BCAS3: variants seen among roughly 807,000 people sequenced by gnomAD.
BCAS3 encodes BCAS4/BCAS3 fusion.
A neutral mutation model predicts 116.1 loss-of-function variants in BCAS3; 53 were observed. That is an observed-to-expected ratio of 0.46 (90% CI 0.37 to 0.57). The LOEUF (loss-of-function observed/expected upper bound fraction) is 0.57. Ranked by LOEUF, BCAS3 falls within the 20% of genes least tolerant of loss-of-function variation. The pLI is 0.00. For synonymous variants in BCAS3, 391 were observed against 408.2 expected (o/e 0.96, Z 0.51); for missense variants, 917 against 1,165.4 (o/e 0.79, Z 3.10).
At position 61,381,757 on chromosome 17, in the gene BCAS3, G is replaced by A. The variant is rs1436845729; in HGVS notation, c.2594-10220G>A. ...CCCCAGGGCCAGCATTCTTCAGCAC[G>A]CAGATGCCATGTGTGCCTGTATGTG... On this transcript the variant is annotated intron_variant, in intron 23 of 23. Coordinates refer to ENST00000407086, the MANE Select transcript of BCAS3 (RefSeq NM_017679.5). The surrounding 1 kb of genome is among the most constrained non-coding windows in gnomAD (Gnocchi z 6.0). 3.9e-5 allele frequency among the ~76,000 whole-genome samples: 6 copies of A among 152,196 alleles called. No homozygotes were observed. Among genetic ancestry groups the A allele is most frequent in the African/African-American group, 7.2e-5 (3 of 41,454 alleles).
Position 61,040,777 on chromosome 17 carries a change from C to T in BCAS3, c.1929-15C>T, listed in dbSNP as rs1458192269. The T allele has an allele frequency of 6.3e-7, 1 of 1,596,378 alleles. No individual in the cohort carries two copies. The highest frequency in any genetic ancestry group is 8.6e-7 in the Non-Finnish European group (1 of 1,164,012). ...ATTAAGCTTAAATATTAATATTCTT[C>T]TCCTGTTTCCTTAGAACCCCTCAAT... On this transcript the variant is annotated splice_polypyrimidine_tract_variant and intron_variant, in intron 18 of 23. Coordinates refer to ENST00000407086, the MANE Select transcript of BCAS3 (RefSeq NM_017679.5).
chr17:60,849,757 C>T (rs553552173), intron 7 of BCAS3, among the ~76,000 whole-genome samples: 8 of 152,140 alleles, frequency 5.3e-5, no homozygotes, highest in Non-Finnish European at 1.2e-4. Flanking sequence ...TCTTCCTTTT[C>T]CTCCTCCTGT....
chr17:61,141,064 C>A lies in BCAS3; in HGVS notation c.2425+56500C>A, dbSNP rs773878485. On this transcript the variant is annotated intron_variant, in intron 22 of 23. Transcript: ENST00000407086. This position sits in a 1 kb window ranked among gnomAD's most constrained non-coding sequence, Gnocchi z 4.3. ...TCTTTATCCTGATTCACCTGTACAG[C>A]GGGACTAGGCTGGTTCATTTCAACA... Among the ~76,000 whole-genome samples the A allele has an allele frequency of 6.6e-6, 1 of 151,962 alleles. No individual in the cohort carries two copies. The highest frequency in any genetic ancestry group is 6.6e-5 in the Admixed American group (1 of 15,254).
chr17:60,752,140 A>G (rs2042526429), intron 6 of BCAS3, among the ~76,000 whole-genome samples: 1 of 147,436 alleles, frequency 6.8e-6, no homozygotes, highest in Non-Finnish European at 1.5e-5. Flanking sequence ...TATGTATTAC[A>G]TGTATTGGCT....
At chr17:60,765,720 G>T (rs1460050056) in intron 6 of BCAS3, among the ~76,000 whole-genome samples, 1 of 152,140 alleles carries the variant, frequency 6.6e-6, no homozygotes, top group Non-Finnish European at 1.5e-5. Flanking sequence ...TGTATTTCCT[G>T]AATTTGAATG....
rs1175388097 is a variant in BCAS3 at position 61,179,815 on chromosome 17, GA to G, written c.2425+95252del. Among the ~76,000 whole-genome samples, 3 of 151,364 alleles carry G rather than the reference GA, an allele frequency of 2.0e-5. No homozygotes were observed. In the East Asian group the frequency reaches 5.8e-4, roughly 29 times the overall value. On this transcript the variant is annotated intron_variant, in intron 22 of 23. Coordinates refer to ENST00000407086, the MANE Select transcript of BCAS3 (RefSeq NM_017679.5). ...CTTATGAACTCCAGAGAGAGGAGGGGATGTCTGTCCTTACTAGAAAACTACT... is the reference window on the plus strand; with the variant it reads ...CTTATGAACTCCAGAGAGAGGAGGGGTGTCTGTCCTTACTAGAAAACTACT...
chr17:61,206,037 C>T (rs2081102889), intron 22 of BCAS3, among the ~76,000 whole-genome samples: 1 of 152,202 alleles, frequency 6.6e-6, no homozygotes, highest in African/African-American at 2.4e-5. Context: ...ACACTCCTCA[C>T]TTCTGGTTTT....
chr17:61,113,139 A>G (rs1282798821), intron 22 of BCAS3, among the ~76,000 whole-genome samples: 1 of 66,568 alleles, frequency 1.5e-5, no homozygotes, highest in Non-Finnish European at 4.3e-5. Context: ...AAAGCAGGAA[A>G]GATCCAAAAT....
intron 7 of BCAS3, among the ~76,000 whole-genome samples, chr17:60,829,557 T>G (rs941745123): frequency 5.3e-5 from 8 of 151,896 alleles, no homozygotes; most frequent in African/African-American, 1.9e-4. Context: ...GTGTTTGTTG[T>G]TGGTGGATAT....
At position 61,115,536 on chromosome 17, in the gene BCAS3, A is replaced by G. The variant is rs1382878310; in HGVS notation, c.2425+30972A>G. Among the ~76,000 whole-genome samples the G allele has an allele frequency of 1.9e-4, 27 of 138,914 alleles. 1 individual carries two copies. In the East Asian group the frequency reaches 5.8e-3, roughly 30 times the overall value. 91.1% of individuals were successfully genotyped at this position (138,914 alleles called of 152,430 possible). A position where few individuals can be genotyped will look rare whatever the true frequency, so the allele number is the denominator to read the frequency against. Reference sequence around the variant, plus strand: ...CAGAGAAATGCAAGTCAAAACCACAATGAGATACCATCTCACACCAGTTAG... The same window carrying G: ...CAGAGAAATGCAAGTCAAAACCACAGTGAGATACCATCTCACACCAGTTAG... On this transcript the variant is annotated intron_variant, in intron 22 of 23. Transcript: ENST00000407086.
intron 6 of BCAS3, among the ~76,000 whole-genome samples, chr17:60,779,194 T>A (rs1379464100): frequency 6.6e-6 from 1 of 151,652 alleles, no homozygotes; most frequent in African/African-American, 2.4e-5. Context: ...CACCCCCAAA[T>A]AAAACCCCCA....
intron 4 of BCAS3, among the ~76,000 whole-genome samples, chr17:60,699,862 CAAAA>C (rs34153475): frequency 1.3e-4 from 9 of 68,540 alleles, no homozygotes; most frequent in Admixed American, 3.7e-4. Flanking sequence ...GACTCCGTCT[CAAAA>C]AAAAAAAAAA....
chr17:60,757,322 TAATAATAATAAATA>T (rs1465652763), intron 6 of BCAS3, among the ~76,000 whole-genome samples: 50 of 46,870 alleles, frequency 1.1e-3, no homozygotes, highest in Non-Finnish European at 3.6e-3. Flanking sequence ...CTCAAAAAAA[TAATAATAATAAATA>T]AATAAATAAA....
chr17:60,948,014 A>G (rs910025974), intron 14 of BCAS3, among the ~76,000 whole-genome samples: 1 of 152,222 alleles, frequency 6.6e-6, no homozygotes, highest in Non-Finnish European at 1.5e-5. Flanking sequence ...ACATATGTTC[A>G]TATGCATGAT....
intron 22 of BCAS3, among the ~76,000 whole-genome samples, chr17:61,296,275 C>G (rs1380489750): frequency 6.6e-6 from 1 of 152,092 alleles, no homozygotes; most frequent in Non-Finnish European, 1.5e-5. Context: ...TTGAGTTAGC[C>G]CTAATGACAA....
At chr17:61,053,397 A>G (rs769161216) in intron 19 of BCAS3, among the ~76,000 whole-genome samples, 7 of 152,154 alleles carry the variant, frequency 4.6e-5, no homozygotes, top group Non-Finnish European at 8.8e-5. Context: ...TCCAATGCTG[A>G]TATGTTTTGT....
chr17:61,359,433 T>C (rs1029487017), intron 22 of BCAS3, among the ~76,000 whole-genome samples: 2 of 148,750 alleles, frequency 1.3e-5, no homozygotes, highest in African/African-American at 4.9e-5. Context: ...TTTTTTAAGG[T>C]GAGATCAAGG....
At chr17:61,153,345 C>T (rs2077646688) in intron 22 of BCAS3, among the ~76,000 whole-genome samples, 1 of 152,196 alleles carries the variant, frequency 6.6e-6, no homozygotes, top group Non-Finnish European at 1.5e-5. Flanking sequence ...ACCAGTTCTA[C>T]TGGACTTTGA....
rs2144211479 is a variant in BCAS3 at position 61,188,589 on chromosome 17, A to C, written c.2425+104025A>C. 6.6e-6 allele frequency among the ~76,000 whole-genome samples: 1 copy of C among 152,320 alleles called. No homozygotes were observed. Among genetic ancestry groups the C allele is most frequent in the South Asian group, 2.1e-4 (1 of 4,828 alleles). On this transcript the variant is annotated intron_variant, in intron 22 of 23. Transcript: ENST00000407086. This position sits in a 1 kb window ranked among gnomAD's most constrained non-coding sequence, Gnocchi z 4.0. Reference sequence around the variant, plus strand: ...TTGGTGATTCTCTTTCTTTTTCTCTAAACCTTAGCAGTAGGTCTTAGCTTG... The same window carrying C: ...TTGGTGATTCTCTTTCTTTTTCTCTCAACCTTAGCAGTAGGTCTTAGCTTG...
Sources: gnomAD v4.1 joint callset for allele counts (sites outside exome capture counted in the v4.1 genomes callset) on GRCh38, gnomAD v4.1.1 for gene constraint, Gnocchi (gnomAD v3.1) non-coding constraint, MANE v1.5 for transcripts, NCBI Gene and HGNC (gene_info 2026-07-23, HGNC 2026-07-21) for gene names.